Variants in DHX36 observed in about 807,000 individuals in gnomAD.
DHX36 encodes DEAH-box helicase 36.
DHX36 carries 50 observed loss-of-function variants against 139.0 expected under a neutral mutation model. That is an observed-to-expected ratio of 0.36 (90% CI 0.29 to 0.46). The LOEUF (loss-of-function observed/expected upper bound fraction) is 0.46, where lower values mean the gene tolerates loss of function less well. Among genes scored for constraint, DHX36 ranks in the 20% least tolerant of loss-of-function variants. The probability of loss-of-function intolerance (pLI) is 1.00; values close to 1 mark genes in which losing one functional copy is unlikely to be tolerated. For synonymous variants in DHX36, 425 were observed against 401.9 expected (o/e 1.06, Z -0.69); for missense variants, 1,024 against 1,211.3 (o/e 0.85, Z 2.29).
chr3:154,286,821 A>T (rs1246686392), intron 17 of DHX36, among the ~76,000 whole-genome samples: 1 of 149,378 alleles, frequency 6.7e-6, no homozygotes, highest in Non-Finnish European at 1.5e-5. Context: ...TACTATTATT[A>T]TTTTTTTTTT....
At chr3:154,284,755 T>C (rs1711504953) in intron 18 of DHX36, 59 bp downstream of exon 18, 2 of 1,599,008 alleles carry the variant, frequency 1.3e-6, no homozygotes, top group African/African-American at 1.3e-5. Context: ...ATGAAAAATA[T>C]ATCTAAGCAA....
At chr3:154,292,726 AACACACACACAC>A (rs58416816) in intron 14 of DHX36, 32 bp from the exon 15 acceptor site, 658 of 1,517,066 alleles carry the variant, frequency 4.3e-4, no homozygotes, top group African/African-American at 2.0e-3. Context: ...AAAATGTTAA[AACACACACACAC>A]ACACACACAC....
chr3:154,304,536 T>G (rs993466899), intron 8 of DHX36, among the ~76,000 whole-genome samples: 1 of 152,266 alleles, frequency 6.6e-6, no homozygotes, highest in African/African-American at 2.4e-5. Context: ...GTTTATAAAA[T>G]TATGCAAATC....
At chr3:154,297,837 A>C (rs1167493161) in intron 12 of DHX36, among the ~76,000 whole-genome samples, 1 of 152,200 alleles carries the variant, frequency 6.6e-6, no homozygotes, top group African/African-American at 2.4e-5. Flanking sequence ...TGGGAAAAAA[A>C]ATTTATATTG....
intron 20 of DHX36, 30 bp from the exon 21 acceptor site, chr3:154,280,892 G>A: frequency 6.5e-7 from 1 of 1,533,318 alleles, no homozygotes; most frequent in Non-Finnish European, 9.0e-7. Context: ...AATAGAACTA[G>A]AATACCTTTC....
At position 154,323,492 on chromosome 3, in the gene DHX36, G is replaced by T. The variant is rs911286553; in HGVS notation, c.243+682C>A. 2.0e-5 allele frequency among the ~76,000 whole-genome samples: 3 copies of T among 152,094 alleles called. No individual in the cohort carries two copies. The East Asian group carries it at 5.8e-4, about 29-fold the overall frequency. On this transcript the variant is annotated intron_variant, in intron 1 of 24. Transcript: ENST00000496811. ...GAATTTTATTTACTAGTCACTCGGA[G>T]AACTTTGTTTCCCTTACTACAGATC...
At chr3:154,315,428 ATATACT>A (rs1559959960) in intron 2 of DHX36, 148 bp from the exon 3 acceptor site, 1 of 516,462 alleles carries the variant, frequency 1.9e-6, no homozygotes, top group Non-Finnish European at 3.3e-6. Flanking sequence ...AATTATGAAA[ATATACT>A]TAGATTCTTA....
rs1189351206 is a variant in DHX36 at position 154,301,040 on chromosome 3, T to A, written c.1305A>T (p.Lys435Asn). The change falls in exon 10 of 25, where the codon AAA (lysine) becomes AAT (asparagine). Residue 435 changes from lysine (K) to asparagine (N), a missense_variant. This residue lies in a region of DHX36 where 115 missense variants were observed against 105.6 expected (regional missense o/e 1.09). Coordinates refer to ENST00000496811, the MANE Select transcript of DHX36 (RefSeq NM_020865.3). ...GCCAACGTTCTTTATATATTGCTTCTTTTTCTTCTTTTTCTTGTCTATTTA... is the reference window on the plus strand; with the variant it reads ...GCCAACGTTCTTTATATATTGCTTCATTTTCTTCTTTTTCTTGTCTATTTA... ...GHVNRQEKEEKEAIYKERWPD... is the reference protein window; with the variant it reads ...GHVNRQEKEENEAIYKERWPD... The A allele has an allele frequency of 6.2e-7, 1 of 1,608,920 alleles. No homozygotes were observed. The highest frequency in any genetic ancestry group is 1.3e-5 in the African/African-American group (1 of 74,964).
intron 12 of DHX36, among the ~76,000 whole-genome samples, chr3:154,296,981 G>A (rs1049022109): frequency 4.6e-5 from 7 of 152,096 alleles, no homozygotes; most frequent in Non-Finnish European, 8.8e-5. Context: ...TATAACTTTC[G>A]AGTTACAGGA....
Position 154,273,579 on chromosome 3 carries a change from A to C in DHX36, c.*2592T>G, listed in dbSNP as rs1168146499. The C allele has an allele frequency of 6.6e-6, 1 of 152,368 alleles. No homozygotes were observed. Among genetic ancestry groups the C allele is most frequent in the South Asian group, 2.1e-4 (1 of 4,830 alleles). The allele number at this position is 152,368 out of a possible 1,614,324, so 9.4% of individuals were successfully genotyped here. On this transcript the variant is annotated 3_prime_UTR_variant, in exon 25 of 25. Coordinates refer to ENST00000496811, the MANE Select transcript of DHX36 (RefSeq NM_020865.3). Reference sequence around the variant, plus strand: ...GACCAGATGGTCACCTCGACGTTAGAGGCAAAACCAGTATGCTCTAATATT... The same window carrying C: ...GACCAGATGGTCACCTCGACGTTAGCGGCAAAACCAGTATGCTCTAATATT...
intron 23 of DHX36, among the ~76,000 whole-genome samples, chr3:154,277,342 T>C (rs1050078040): frequency 6.6e-6 from 1 of 152,134 alleles, no homozygotes; most frequent in African/African-American, 2.4e-5. Context: ...AATATGCCAA[T>C]ATTTCTTGAA....
chr3:154,276,829 T>C lies in DHX36; in HGVS notation c.2759A>G (p.Gln920Arg). ...AATAGTTTCCTGATCGTTATCCTTC[T>C]GGATGGAAATGTCACCTCCAAAAAA... Reference protein sequence around the residue: ...LLFFGGDISIQKDNDQETIAV... With the variant: ...LLFFGGDISIRKDNDQETIAV... The change falls in exon 24 of 25, where the codon CAG (glutamine) becomes CGG (arginine). Residue 920 changes from glutamine to arginine, a missense_variant. By Grantham distance (43) the Gln-to-Arg change is conservative (BLOSUM62 1). This residue lies in a region of DHX36 where 470 missense variants were observed against 616.2 expected (regional missense o/e 0.76). Transcript: ENST00000496811. 6.2e-7 allele frequency: 1 copy of C among 1,613,942 alleles called. No homozygotes were observed. Among genetic ancestry groups the C allele is most frequent in the Non-Finnish European group, 8.5e-7 (1 of 1,179,920 alleles).
chr3:154,295,169 T>G (rs984558847), intron 13 of DHX36, 115 bp downstream of exon 13: 6 of 604,068 alleles, frequency 9.9e-6, no homozygotes, highest in Non-Finnish European at 1.7e-5. Context: ...TTTTTTTACA[T>G]GAATTACTAT....
intron 19 of DHX36, among the ~76,000 whole-genome samples, chr3:154,283,763 A>C (rs1448221056): frequency 6.6e-6 from 1 of 152,190 alleles, no homozygotes; most frequent in Non-Finnish European, 1.5e-5. Flanking sequence ...AGCCACAGAA[A>C]AAAGATACTG....
intron 11 of DHX36, 50 bp from the exon 12 acceptor site, chr3:154,299,975 AG>A: frequency 7.8e-7 from 1 of 1,277,418 alleles, no homozygotes; most frequent in East Asian, 2.3e-5. Flanking sequence ...AACAAAATGC[AG>A]TAACAGTAAA....
At chr3:154,301,874 C>A (rs189371860) in intron 9 of DHX36, among the ~76,000 whole-genome samples, 1 of 152,048 alleles carries the variant, frequency 6.6e-6, no homozygotes, top group Admixed American at 6.6e-5. Context: ...CATCTCTGAG[C>A]TCAACTAGAG....
At chr3:154,316,243 A>G in intron 1 of DHX36, 80 bp from the exon 2 acceptor site, 2 of 1,556,400 alleles carry the variant, frequency 1.3e-6, no homozygotes, top group South Asian at 2.3e-5. Context: ...AAGAAAATAA[A>G]GGCTAAGTAA....
chr3:154,301,483 C>A (rs1005737847), intron 9 of DHX36, among the ~76,000 whole-genome samples: 3 of 152,136 alleles, frequency 2.0e-5, no homozygotes, highest in Non-Finnish European at 4.4e-5. Flanking sequence ...AATTGAATCC[C>A]TCAGAGAGCT....
chr3:154,291,436 G>T (rs1711808581), intron 15 of DHX36, among the ~76,000 whole-genome samples: 1 of 152,082 alleles, frequency 6.6e-6, no homozygotes, highest in Non-Finnish European at 1.5e-5. Context: ...AATACTTTTT[G>T]AATCAATATT....
Sources: allele counts gnomAD v4.1 joint callset (sites outside exome capture counted in the v4.1 genomes callset), GRCh38; gene constraint gnomAD v4.1.1; regional missense constraint gnomAD v4.1.1; transcripts MANE v1.5; gene names NCBI Gene and HGNC (gene_info 2026-07-23, HGNC 2026-07-21).